The following SGCZ variants were observed in gnomAD, a reference collection of about 807,000 sequenced individuals.
The protein encoded by SGCZ is zeta-sarcoglycan.
In SGCZ, 40 loss-of-function variants were observed where a neutral mutation model predicts 41.3. The observed-to-expected ratio is 0.97, with a 90% CI of 0.75 to 1.26. The LOEUF is 1.26. SGCZ is among the 50% of genes most tolerant of loss of function. The pLI is 0.00. For missense variants in SGCZ, 552 were observed against 369.8 expected (o/e 1.49, Z -4.04); for synonymous variants, 206 against 137.5 (o/e 1.50, Z -3.49).
At chr8:14,382,184 C>T (rs1197639086) in intron 2 of SGCZ, among the ~76,000 whole-genome samples, 1 of 152,118 alleles carries the variant, frequency 6.6e-6, no homozygotes, top group African/African-American at 2.4e-5. Flanking sequence ...GAGTTTCTGC[C>T]AAACTGACAA....
intron 1 of SGCZ, among the ~76,000 whole-genome samples, chr8:14,829,758 T>TTA (rs1554507994): frequency 5.8e-4 from 88 of 152,136 alleles, no homozygotes; most frequent in South Asian, 1.0e-3. Flanking sequence ...AGGGTTTTTT[T>TTA]AAAAAAAATC....
intron 1 of SGCZ, among the ~76,000 whole-genome samples, chr8:14,862,359 AC>A (rs1397973559): frequency 2.0e-5 from 3 of 151,840 alleles, no homozygotes; most frequent in African/African-American, 7.3e-5. Flanking sequence ...ACAACAGATC[AC>A]TAAGTGTGGC....
chr8:15,162,304 G>A (rs1002115097), intron 1 of SGCZ, among the ~76,000 whole-genome samples: 1 of 151,978 alleles, frequency 6.6e-6, no homozygotes, highest in Non-Finnish European at 1.5e-5. Context: ...TTTAAAAAAC[G>A]GCCAAAAGTT....
At chr8:14,295,736 G>A (rs1800987851) in intron 3 of SGCZ, among the ~76,000 whole-genome samples, 1 of 152,124 alleles carries the variant, frequency 6.6e-6, no homozygotes, top group Non-Finnish European at 1.5e-5. Flanking sequence ...CTTTCCAAAT[G>A]ACAGTGTAAG....
intron 2 of SGCZ, among the ~76,000 whole-genome samples, chr8:14,503,668 T>C (rs1407349660): frequency 6.6e-6 from 1 of 151,998 alleles, no homozygotes; most frequent in Admixed American, 6.5e-5. Context: ...CTAGGGAGGC[T>C]GAGGCAGGAG....
At chr8:14,360,653 A>G (rs1366902341) in intron 2 of SGCZ, among the ~76,000 whole-genome samples, 2 of 151,882 alleles carry the variant, frequency 1.3e-5, no homozygotes. Flanking sequence ...TTTATTTTTT[A>G]TCGCTAAGTA....
At chr8:14,620,336 C>T (rs1195374854) in intron 1 of SGCZ, among the ~76,000 whole-genome samples, 1 of 152,230 alleles carries the variant, frequency 6.6e-6, no homozygotes, top group African/African-American at 2.4e-5. Flanking sequence ...CATAAAAACC[C>T]TAGAAGAAAA....
At chr8:14,146,553 CT>C (rs1453858508) in intron 5 of SGCZ, among the ~76,000 whole-genome samples, 7 of 152,096 alleles carry the variant, frequency 4.6e-5, no homozygotes, top group Non-Finnish European at 8.8e-5. Flanking sequence ...TATTATAACA[CT>C]GTAACAGTGG....
Position 14,254,922 on chromosome 8 carries a change from A to G in SGCZ, c.337-17243T>C, listed in dbSNP as rs558279587. Among the ~76,000 whole-genome samples, 21 of 152,292 alleles carry G rather than the reference A, an allele frequency of 1.4e-4. No individual in the cohort carries two copies. The South Asian group carries it at 3.1e-3, about 23-fold the overall frequency. ...GTGACTATGAATTTGCACAAAGTTC[A>G]AAATCTCTTCCTGATCCACAAAGTG... On this transcript the variant is annotated intron_variant, in intron 3 of 7. Coordinates refer to ENST00000382080, the MANE Select transcript of SGCZ (RefSeq NM_139167.4).
chr8:14,796,931 T>G (rs1438966212), intron 1 of SGCZ, among the ~76,000 whole-genome samples: 2 of 152,208 alleles, frequency 1.3e-5, no homozygotes, highest in East Asian at 3.9e-4. Context: ...TGCCACCCGA[T>G]GAAGAGGTGA....
intron 1 of SGCZ, among the ~76,000 whole-genome samples, chr8:15,041,048 GT>G (rs1349544561): frequency 2.6e-5 from 4 of 151,874 alleles, no homozygotes; most frequent in Non-Finnish European, 5.9e-5. Context: ...ATAAGTTATT[GT>G]TTTTAATGTA....
At chr8:14,239,535 G>C (rs529337102) in intron 3 of SGCZ, among the ~76,000 whole-genome samples, 3 of 152,062 alleles carry the variant, frequency 2.0e-5, no homozygotes, top group East Asian at 1.9e-4. Context: ...TGAGTTACTA[G>C]ACATATTAAA....
chr8:14,697,811 GTCCAGC>G (rs1175368581), intron 1 of SGCZ, among the ~76,000 whole-genome samples: 3 of 151,826 alleles, frequency 2.0e-5, no homozygotes, highest in Non-Finnish European at 4.4e-5. Context: ...GAACACAACA[GTCCAGC>G]AATACTATTC....
Position 14,964,114 on chromosome 8 carries a change from G to T in SGCZ, c.39+273471C>A, listed in dbSNP as rs542208531. On this transcript the variant is annotated intron_variant, in intron 1 of 7. Transcript: ENST00000382080. Reference sequence around the variant, plus strand: ...AGTCATACACATCTGTAAATGGAAAGGTTTGCTTTAGTTAATCCCCTCCAC... The same window carrying T: ...AGTCATACACATCTGTAAATGGAAATGTTTGCTTTAGTTAATCCCCTCCAC... Among the ~76,000 whole-genome samples the T allele has an allele frequency of 7.2e-5, 11 of 152,208 alleles. No individual in the cohort carries two copies. In the South Asian group the frequency reaches 2.1e-3, roughly 29 times the overall value.
intron 1 of SGCZ, among the ~76,000 whole-genome samples, chr8:14,639,486 G>C (rs192353072): frequency 6.6e-6 from 1 of 151,616 alleles, no homozygotes; most frequent in Non-Finnish European, 1.5e-5. Context: ...CACTCTTACC[G>C]CATTTTCTTT....
intron 1 of SGCZ, among the ~76,000 whole-genome samples, chr8:15,207,437 G>T (rs751817954): frequency 2.6e-5 from 4 of 152,138 alleles, no homozygotes; most frequent in Non-Finnish European, 4.4e-5. Flanking sequence ...TGGTGAAAGA[G>T]ACAAAAGAAT....
At chr8:14,632,580 T>G (rs537614622) in intron 1 of SGCZ, among the ~76,000 whole-genome samples, 1 of 152,192 alleles carries the variant, frequency 6.6e-6, no homozygotes, top group African/African-American at 2.4e-5. Context: ...TTGAAAGAAT[T>G]CATCTAAAAA....
chr8:14,506,409 C>A (rs1442958972), intron 2 of SGCZ, among the ~76,000 whole-genome samples: 1 of 152,078 alleles, frequency 6.6e-6, no homozygotes, highest in Non-Finnish European at 1.5e-5. Flanking sequence ...TCTATATCAT[C>A]ATTTCCCCTC....
intron 1 of SGCZ, among the ~76,000 whole-genome samples, chr8:14,648,073 G>A (rs78174770): frequency 0.057 from 8,584 of 151,888 alleles, 309 homozygotes; most frequent in South Asian, 0.13. Context: ...GGATTTGACA[G>A]GGAGTGACCT....
Sources: allele counts gnomAD v4.1 joint callset (sites outside exome capture counted in the v4.1 genomes callset), GRCh38; gene constraint gnomAD v4.1.1; transcripts MANE v1.5; gene names NCBI Gene and HGNC (gene_info 2026-07-23, HGNC 2026-07-21).